The following TFG variants were observed in gnomAD, a reference collection of about 807,000 sequenced individuals.
TFG encodes protein TFG.
A neutral mutation model predicts 51.4 loss-of-function variants in TFG; 22 were observed. The observed-to-expected ratio is 0.43, with a 90% CI of 0.31 to 0.61. TFG has a LOEUF of 0.61. TFG is among the 20% of genes least tolerant of loss of function. TFG has a pLI of 0.12. For synonymous variants in TFG, 187 were observed against 165.6 expected (o/e 1.13, Z -0.99); for missense variants, 419 against 487.7 (o/e 0.86, Z 1.33).
chr3:100,710,376 T>C (rs1368396225), intron 1 of TFG: 3 of 152,282 alleles, frequency 2.0e-5, no homozygotes, highest in African/African-American at 4.8e-5. Flanking sequence ...TCATTTCGAA[T>C]GTGATGAAAG....
chr3:100,711,220 A>G (rs2095030486), intron 1 of TFG, among the ~76,000 whole-genome samples: 1 of 151,876 alleles, frequency 6.6e-6, no homozygotes, highest in African/African-American at 2.4e-5. Context: ...CTCCTGCCTC[A>G]GTCTCCTGAG....
At position 100,740,692 on chromosome 3, in the gene TFG, G is replaced by A. The variant is rs1184622757; in HGVS notation, c.721+3976G>A. On this transcript the variant is annotated intron_variant, in intron 6 of 7. Coordinates refer to ENST00000240851, the MANE Select transcript of TFG (RefSeq NM_006070.6). Reference sequence around the variant, plus strand: ...CTATACATGTGCAGAAGCCGTTGAGGGTCATGATAGAGGTTGGCTACTCTG... The same window carrying A: ...CTATACATGTGCAGAAGCCGTTGAGAGTCATGATAGAGGTTGGCTACTCTG... Among the ~76,000 whole-genome samples, 3 of 152,118 alleles carry A rather than the reference G, an allele frequency of 2.0e-5. No individual in the cohort carries two copies. The South Asian group carries it at 6.2e-4, about 32-fold the overall frequency.
chr3:100,736,754 A>C, intron 6 of TFG, 38 bp downstream of exon 6: 1 of 1,597,216 alleles, frequency 6.3e-7, no homozygotes, highest in Non-Finnish European at 8.5e-7. Context: ...GGGAAAGTAC[A>C]TGTGTAGAAG....
chr3:100,729,984 T>G (rs2095087068), intron 4 of TFG, among the ~76,000 whole-genome samples: 1 of 152,172 alleles, frequency 6.6e-6, no homozygotes, highest in Admixed American at 6.5e-5. Flanking sequence ...CTTGGTCACT[T>G]TATGATGAAA....
intron 3 of TFG, among the ~76,000 whole-genome samples, chr3:100,728,294 G>A (rs1008673058): frequency 3.3e-5 from 5 of 151,434 alleles, no homozygotes; most frequent in Admixed American, 2.6e-4. Flanking sequence ...TAAGAATAGC[G>A]TGAAATAAAA....
intron 3 of TFG, among the ~76,000 whole-genome samples, chr3:100,722,158 AC>A (rs2149069522): frequency 6.6e-6 from 1 of 152,338 alleles, no homozygotes; most frequent in East Asian, 1.9e-4. Flanking sequence ...CTCAGAAAAA[AC>A]AAAACAAAAC....
At chr3:100,726,275 A>C (rs1171290504) in intron 3 of TFG, among the ~76,000 whole-genome samples, 1 of 152,220 alleles carries the variant, frequency 6.6e-6, no homozygotes, top group Non-Finnish European at 1.5e-5. Flanking sequence ...AAGACCCAGC[A>C]AGCAAACTTA....
chr3:100,725,346 A>G (rs2095072275), intron 3 of TFG, among the ~76,000 whole-genome samples: 1 of 152,190 alleles, frequency 6.6e-6, no homozygotes, highest in Non-Finnish European at 1.5e-5. Context: ...TAAATCTAAC[A>G]TGGCAAGATT....
At chr3:100,738,057 G>A (rs1464796577) in intron 6 of TFG, among the ~76,000 whole-genome samples, 1 of 143,204 alleles carries the variant, frequency 7.0e-6, no homozygotes, top group African/African-American at 2.6e-5. Flanking sequence ...GCAACAGAAC[G>A]AGACCCTGTC....
intron 7 of TFG, among the ~76,000 whole-genome samples, chr3:100,747,937 A>G (rs2095148569): frequency 2.0e-5 from 3 of 152,118 alleles, no homozygotes; most frequent in African/African-American, 4.8e-5. Context: ...CTCAGGGATT[A>G]TGTCTTAGAG....
chr3:100,719,919 A>G, intron 2 of TFG, 56 bp from the exon 3 acceptor site: 1 of 1,154,046 alleles, frequency 8.7e-7, no homozygotes, highest in Non-Finnish European at 1.2e-6. Flanking sequence ...TACTGCTTAT[A>G]CAAATCTGAA....
chr3:100,736,524 TG>T, intron 5 of TFG, 51 bp from the exon 6 acceptor site: 1 of 1,588,390 alleles, frequency 6.3e-7, no homozygotes, highest in Non-Finnish European at 8.6e-7. Context: ...TTGAGCTTGC[TG>T]GGGGAAGGCC....
intron 1 of TFG, chr3:100,710,328 C>T (rs578255104): frequency 2.0e-5 from 3 of 152,366 alleles, no homozygotes; most frequent in African/African-American, 7.2e-5. Flanking sequence ...CTCATTTAAT[C>T]ATCACAAGGA....
Position 100,732,744 on chromosome 3 carries a change from T to C in TFG, c.580+72T>C, listed in dbSNP as rs1037166884. The C allele has an allele frequency of 5.3e-6, 7 of 1,313,832 alleles. No individual in the cohort carries two copies. The East Asian group carries it at 1.7e-4, about 31-fold the overall frequency. 81.4% of individuals were successfully genotyped at this position (1,313,832 alleles called of 1,614,324 possible). ...TCCGTTCTTCCCTTTCCTTCTTTCT[T>C]TAATTGAAGAATAACTTGGATATGG... On this transcript the variant is annotated intron_variant, in intron 5 of 7. Coordinates refer to ENST00000240851, the MANE Select transcript of TFG (RefSeq NM_006070.6).
rs550135231 is a variant in TFG, at chr3:100,736,492, A to T, written c.581-84A>T. The stretch of plus-strand genomic sequence containing the variant: ...ATACTTATTCTATAGTACTTTTAGT[A>T]TCTTTTAACCAAACTTATTCCTTGA... On this transcript the variant is annotated intron_variant, in intron 5 of 7. Transcript: ENST00000240851. 1.4e-5 allele frequency: 20 copies of T among 1,460,686 alleles called. No homozygotes were observed. In the African/African-American group the frequency reaches 2.1e-4, roughly 15 times the overall value. The allele number at this position is 1,460,686 out of a possible 1,614,324, so 90.5% of individuals were successfully genotyped here.
At position 100,736,916 on chromosome 3, in the gene TFG, C is replaced by A. The variant is rs1294639427; in HGVS notation, c.721+200C>A. Among the ~76,000 whole-genome samples the A allele has an allele frequency of 4.6e-5, 7 of 151,984 alleles. No homozygotes were observed. The East Asian group carries it at 7.7e-4, about 17-fold the overall frequency. On this transcript the variant is annotated intron_variant, in intron 6 of 7. Transcript: ENST00000240851. Reference sequence around the variant, plus strand: ...CCAATTATTGGAATGAAAAAAATACCTCAAAAAAGTGTTTCTATGAATATA... The same window carrying A: ...CCAATTATTGGAATGAAAAAAATACATCAAAAAAGTGTTTCTATGAATATA...
intron 6 of TFG, among the ~76,000 whole-genome samples, chr3:100,740,784 A>T (rs2149092356): frequency 1.3e-5 from 2 of 151,938 alleles, no homozygotes; most frequent in Non-Finnish European, 2.9e-5. Context: ...TTTCCCCTTA[A>T]TTTTTTTTAT....
At chr3:100,713,556 C>T (rs2095036838) in intron 1 of TFG, 87 bp from the exon 2 acceptor site, 1 of 524,348 alleles carries the variant, frequency 1.9e-6, no homozygotes, top group Non-Finnish European at 3.1e-6. Flanking sequence ...CTTTTGGAGG[C>T]TAGAGTTTCT....
At chr3:100,733,302 T>C (rs1443334319) in intron 5 of TFG, among the ~76,000 whole-genome samples, 1 of 152,210 alleles carries the variant, frequency 6.6e-6, no homozygotes, top group East Asian at 1.9e-4. Flanking sequence ...GTCTTCTCTC[T>C]GTTCTTCAGG....
Sources: gnomAD v4.1 joint callset for allele counts (sites outside exome capture counted in the v4.1 genomes callset) on GRCh38, gnomAD v4.1.1 for gene constraint, MANE v1.5 for transcripts, NCBI Gene and HGNC (gene_info 2026-07-23, HGNC 2026-07-21) for gene names.